Variants in IMMP1L observed in about 807,000 individuals in gnomAD.
IMMP1L encodes the protein inner mitochondrial membrane peptidase subunit 1.
IMMP1L carries 24 observed loss-of-function variants against 21.8 expected under a neutral mutation model. That is an observed-to-expected ratio of 1.10 (90% CI 0.80 to 1.55). The LOEUF is 1.55. Among genes scored for constraint, IMMP1L ranks in the 40% most tolerant of loss-of-function variants. The probability of loss-of-function intolerance (pLI) is 0.00; values close to 1 mark genes in which losing one functional copy is unlikely to be tolerated. For missense variants in IMMP1L, 195 were observed against 200.7 expected, an observed-to-expected ratio of 0.97 and a Z score of 0.17; for synonymous variants, 46 against 62.8, an observed-to-expected ratio of 0.73 and a Z score of 1.26.
At chr11:31,468,128 T>C (rs1331227099) in intron 1 of IMMP1L, among the ~76,000 whole-genome samples, 7 of 152,070 alleles carry the variant, frequency 4.6e-5, no homozygotes, top group Non-Finnish European at 1.5e-5. Context: ...ATATGAAATC[T>C]TGAATTGGAT....
At chr11:31,432,622 C>G in intron 5 of IMMP1L, 54 bp from the exon 6 acceptor site, 6 of 1,139,864 alleles carry the variant, frequency 5.3e-6, no homozygotes, top group Non-Finnish European at 6.7e-6. Flanking sequence ...GTTATAGTAT[C>G]ATCATATTCC....
At chr11:31,441,638 C>T (rs533308097) in intron 4 of IMMP1L, among the ~76,000 whole-genome samples, 1 of 152,036 alleles carries the variant, frequency 6.6e-6, no homozygotes, top group East Asian at 1.9e-4. Flanking sequence ...GATTAACCTA[C>T]TAGTTGTCAG....
chr11:31,436,136 A>G (rs1177308191), intron 4 of IMMP1L, among the ~76,000 whole-genome samples: 1 of 152,172 alleles, frequency 6.6e-6, no homozygotes, highest in Non-Finnish European at 1.5e-5. Flanking sequence ...TATATAATAC[A>G]AAGATTAATA....
intron 1 of IMMP1L, among the ~76,000 whole-genome samples, chr11:31,499,938 T>TTAAATAAATAAATAAATAAATAAA (rs34485904): frequency 7.1e-6 from 1 of 140,140 alleles, no homozygotes; most frequent in Non-Finnish European, 1.5e-5. Flanking sequence ...GGCTAACTTC[T>TTAAATAAATAAATAAATAAATAAA]TAAATAAATA....
chr11:31,501,215 T>TA (rs1287595326), intron 1 of IMMP1L, among the ~76,000 whole-genome samples: 35 of 152,348 alleles, frequency 2.3e-4, no homozygotes, highest in African/African-American at 8.2e-4. Context: ...ATTACTGCTT[T>TA]AACAATTGCT....
At chr11:31,457,828 T>C (rs1953998319) in intron 3 of IMMP1L, among the ~76,000 whole-genome samples, 1 of 152,206 alleles carries the variant, frequency 6.6e-6, no homozygotes, top group Non-Finnish European at 1.5e-5. Context: ...AATGATGATC[T>C]CTTGAGGCTA....
In IMMP1L at chr11:31,456,181, CATT is replaced by C. The variant is rs574320401; in HGVS notation, c.321+76_321+78del. 10 of 980,756 alleles carry C rather than the reference CATT, an allele frequency of 1.0e-5. No individual in the cohort carries two copies. In the African/African-American group the frequency reaches 1.5e-4, roughly 14 times the overall value. 60.8% of individuals were successfully genotyped at this position (980,756 alleles called of 1,614,324 possible). On this transcript the variant is annotated intron_variant, in intron 4 of 5. Transcript: ENST00000532287. ...TTCTTACATTCAAAATATGAATAAA[CATT>C]ATTTTCTTTTGTCAGCACTCAGTTA...
chr11:31,450,966 A>T (rs551615691), intron 4 of IMMP1L, among the ~76,000 whole-genome samples: 2 of 152,314 alleles, frequency 1.3e-5, no homozygotes, highest in Non-Finnish European at 2.9e-5. Context: ...TCAGGGGGTC[A>T]GCAAACTTTT....
At chr11:31,507,498 CA>C (rs1314176439) in intron 1 of IMMP1L, among the ~76,000 whole-genome samples, 1 of 152,008 alleles carries the variant, frequency 6.6e-6, no homozygotes, top group African/African-American at 2.4e-5. Context: ...CAGTAGGAAA[CA>C]AGGGAATATG....
At chr11:31,436,599 A>T (rs985673701) in intron 4 of IMMP1L, among the ~76,000 whole-genome samples, 1 of 151,730 alleles carries the variant, frequency 6.6e-6, no homozygotes, top group East Asian at 1.9e-4. Flanking sequence ...CACCCAGCTA[A>T]TTTTTCTATT....
intron 1 of IMMP1L, among the ~76,000 whole-genome samples, chr11:31,482,518 C>CGT (rs2133757371): frequency 6.6e-6 from 1 of 151,948 alleles, no homozygotes; most frequent in South Asian, 2.1e-4. Flanking sequence ...AAATGACAGG[C>CGT]TAACAGAAAA....
chr11:31,472,116 C>G (rs1047342986), intron 1 of IMMP1L, among the ~76,000 whole-genome samples: 5 of 152,176 alleles, frequency 3.3e-5, no homozygotes, highest in Admixed American at 6.5e-5. Context: ...CTGAGCCCAA[C>G]TAGATAATTC....
At chr11:31,460,598 A>T (rs758071114) in intron 3 of IMMP1L, 28 bp downstream of exon 3, 2 of 1,410,342 alleles carry the variant, frequency 1.4e-6, no homozygotes, top group South Asian at 1.2e-5. Flanking sequence ...TTCACTGTAA[A>T]TTTAATATAT....
chr11:31,437,099 C>T (rs777277004), intron 4 of IMMP1L: 1 of 435,696 alleles, frequency 2.3e-6, no homozygotes, highest in South Asian at 1.6e-5. Flanking sequence ...TTAAAGCAGG[C>T]ATCTTTGCTG....
At chr11:31,489,988 G>A (rs540478357) in intron 1 of IMMP1L, among the ~76,000 whole-genome samples, 4 of 152,122 alleles carry the variant, frequency 2.6e-5, no homozygotes, top group South Asian at 2.1e-4. Context: ...CTTGAAACAC[G>A]CAAAAATTTC....
At chr11:31,485,512 G>A (rs1051988074) in intron 1 of IMMP1L, among the ~76,000 whole-genome samples, 8 of 151,780 alleles carry the variant, frequency 5.3e-5, no homozygotes, top group Admixed American at 4.6e-4. Flanking sequence ...AAAACAAAGT[G>A]GCTAGACTAG....
chr11:31,433,371 C>G, intron 5 of IMMP1L, 89 bp downstream of exon 5: 1 of 758,280 alleles, frequency 1.3e-6, no homozygotes, highest in Non-Finnish European at 2.1e-6. Context: ...GTTAAGTACA[C>G]TGACAGCTTG....
intron 2 of IMMP1L, among the ~76,000 whole-genome samples, chr11:31,462,661 T>C (rs1954192130): frequency 6.6e-6 from 1 of 152,198 alleles, no homozygotes; most frequent in East Asian, 1.9e-4. Context: ...TTACAGTTAT[T>C]GTGGTTATGA....
chr11:31,442,248 C>T (rs1378632196), intron 4 of IMMP1L, among the ~76,000 whole-genome samples: 1 of 152,144 alleles, frequency 6.6e-6, no homozygotes, highest in Non-Finnish European at 1.5e-5. Context: ...TAGTTCTCAG[C>T]TATATTTACT....
Sources: allele counts gnomAD v4.1 joint callset (sites outside exome capture counted in the v4.1 genomes callset), GRCh38; gene constraint gnomAD v4.1.1; transcripts MANE v1.5; gene names NCBI Gene and HGNC (gene_info 2026-07-23, HGNC 2026-07-21).